The following SEL1L2 variants were observed in gnomAD, a reference collection of about 807,000 sequenced individuals.
SEL1L2 encodes the protein protein sel-1 homolog 2.
SEL1L2 carries 89 observed loss-of-function variants against 98.8 expected under a neutral mutation model. That is an observed-to-expected ratio of 0.90 (90% CI 0.76 to 1.07). The LOEUF is 1.07. Ranked by LOEUF, SEL1L2 falls within the 50% of genes least tolerant of loss-of-function variation. The pLI is 0.00. For synonymous variants in SEL1L2, 262 were observed against 278.5 expected, an observed-to-expected ratio of 0.94 and a Z score of 0.59; for missense variants, 788 against 812.0, an observed-to-expected ratio of 0.97 and a Z score of 0.36.
At chr20:13,951,146 G>A (rs566787404) in intron 2 of SEL1L2, among the ~76,000 whole-genome samples, 13 of 151,296 alleles carry the variant, frequency 8.6e-5, no homozygotes, top group Non-Finnish European at 1.6e-4. Flanking sequence ...GTGTGGTGGC[G>A]GGCGCCTATA....
intron 1 of SEL1L2, among the ~76,000 whole-genome samples, chr20:13,962,786 C>A (rs1473673435): frequency 6.6e-6 from 1 of 152,124 alleles, no homozygotes; most frequent in African/African-American, 2.4e-5. Context: ...AAAATATCGA[C>A]CAGGCACAAT....
chr20:13,984,586 C>T (rs1457303470), intron 1 of SEL1L2, among the ~76,000 whole-genome samples: 1 of 152,116 alleles, frequency 6.6e-6, no homozygotes, highest in Non-Finnish European at 1.5e-5. Context: ...TCAATAATGT[C>T]CTACTAGTTA....
chr20:13,926,041 G>C (rs1204381910), intron 3 of SEL1L2, among the ~76,000 whole-genome samples: 2 of 152,202 alleles, frequency 1.3e-5, no homozygotes, highest in African/African-American at 2.4e-5. Flanking sequence ...CTTCAGGGCC[G>C]GGAGCCGTGG....
At chr20:13,922,237 A>ATT (rs200201701) in intron 3 of SEL1L2, among the ~76,000 whole-genome samples, 1 of 151,934 alleles carries the variant, frequency 6.6e-6, no homozygotes, top group African/African-American at 2.4e-5. Flanking sequence ...TTTTAATGCA[A>ATT]TTTTTTTTAC....
At position 13,878,062 on chromosome 20, in the gene SEL1L2, CTT is replaced by C. The variant is rs1340704210; in HGVS notation, c.958-476_958-475del. Among the ~76,000 whole-genome samples, 16 of 152,276 alleles carry C rather than the reference CTT, an allele frequency of 1.1e-4. No homozygotes were observed. The East Asian group carries it at 3.1e-3, about 29-fold the overall frequency. ...ACTTGGCCGGCTGCTGAGATCAGGT[CTT>C]TATGCAGAAGTGAGCTTTGAGACAA... On this transcript the variant is annotated intron_variant, in intron 10 of 19. Coordinates refer to ENST00000284951, the MANE Select transcript of SEL1L2 (RefSeq NM_025229.2).
chr20:13,864,498 G>A (rs1990676738), intron 17 of SEL1L2, among the ~76,000 whole-genome samples: 1 of 152,074 alleles, frequency 6.6e-6, no homozygotes, highest in African/African-American at 2.4e-5. Context: ...TAATTTTAGG[G>A]GAAAAATAGT....
At chr20:13,922,053 C>T (rs1004945806) in intron 3 of SEL1L2, among the ~76,000 whole-genome samples, 1 of 152,118 alleles carries the variant, frequency 6.6e-6, no homozygotes, top group Non-Finnish European at 1.5e-5. Context: ...ATTGATATTG[C>T]TTTTGATTCT....
At chr20:13,851,780 T>C (rs1357772621) in intron 18 of SEL1L2, among the ~76,000 whole-genome samples, 3 of 152,136 alleles carry the variant, frequency 2.0e-5, no homozygotes, top group Non-Finnish European at 1.5e-5. Flanking sequence ...GTCATCCTAA[T>C]ATCTGTCTTT....
intron 10 of SEL1L2, among the ~76,000 whole-genome samples, chr20:13,878,779 T>C (rs967156130): frequency 2.0e-5 from 3 of 152,210 alleles, no homozygotes; most frequent in Admixed American, 6.5e-5. Context: ...GGATAGTATG[T>C]TACGTATTAT....
chr20:13,939,043 T>TTTTTTTTTTTTTTTTTTTTTTTTTTTTC (rs1569006493), intron 2 of SEL1L2, among the ~76,000 whole-genome samples: 1 of 117,630 alleles, frequency 8.5e-6, no homozygotes, highest in East Asian at 2.6e-4. Flanking sequence ...TTGTTTTGTT[T>TTTTTTTTTTTTTTTTTTTTTTTTTTTTC]TTTTTTTTTT....
intron 1 of SEL1L2, among the ~76,000 whole-genome samples, chr20:13,987,022 G>A (rs550234805): frequency 2.0e-5 from 3 of 152,006 alleles, no homozygotes; most frequent in Non-Finnish European, 2.9e-5. Flanking sequence ...TAGTAGAAAC[G>A]GGGTTTCACC....
intron 1 of SEL1L2, among the ~76,000 whole-genome samples, chr20:13,970,827 C>T (rs1186639258): frequency 2.0e-5 from 3 of 151,164 alleles, no homozygotes; most frequent in African/African-American, 2.4e-5. Flanking sequence ...AGTAAAACTC[C>T]GTCTCAAAAA....
intron 5 of SEL1L2, among the ~76,000 whole-genome samples, chr20:13,912,236 C>T (rs1001647312): frequency 3.3e-5 from 5 of 151,544 alleles, no homozygotes; most frequent in African/African-American, 9.7e-5. Context: ...TGGGCTTTGT[C>T]GCCACCAGTG....
chr20:13,933,013 G>T (rs2049221910), intron 2 of SEL1L2, among the ~76,000 whole-genome samples: 2 of 151,906 alleles, frequency 1.3e-5, no homozygotes, highest in African/African-American at 4.8e-5. Flanking sequence ...TTTGAGACCA[G>T]CCTGGCCAAC....
At chr20:13,858,306 C>T (rs543589569) in intron 18 of SEL1L2, among the ~76,000 whole-genome samples, 2 of 152,178 alleles carry the variant, frequency 1.3e-5, no homozygotes, top group Admixed American at 1.3e-4. Context: ...GCTCTAGAAA[C>T]GCAGCCAGGA....
chr20:13,986,676 T>C (rs751677438), intron 1 of SEL1L2, among the ~76,000 whole-genome samples: 2 of 152,240 alleles, frequency 1.3e-5, no homozygotes, highest in Non-Finnish European at 2.9e-5. Flanking sequence ...TTGGGTTGTT[T>C]CCACCTTTAA....
At chr20:13,976,739 A>C (rs748950510) in intron 1 of SEL1L2, among the ~76,000 whole-genome samples, 6 of 152,230 alleles carry the variant, frequency 3.9e-5, no homozygotes, top group African/African-American at 7.2e-5. Flanking sequence ...GCAAGTTAGA[A>C]GTGCATTAGT....
At chr20:13,965,325 C>T (rs556465946) in intron 1 of SEL1L2, among the ~76,000 whole-genome samples, 3 of 152,104 alleles carry the variant, frequency 2.0e-5, no homozygotes, top group Non-Finnish European at 4.4e-5. Context: ...GACTAAGTTT[C>T]GAGAGCAGGT....
intron 3 of SEL1L2, among the ~76,000 whole-genome samples, chr20:13,929,951 C>T (rs866549694): frequency 2.0e-5 from 3 of 152,258 alleles, no homozygotes; most frequent in Non-Finnish European, 2.9e-5. Context: ...CCACCACACC[C>T]GGTTATTTTT....
Sources: allele counts gnomAD v4.1 joint callset (sites outside exome capture counted in the v4.1 genomes callset), GRCh38; gene constraint gnomAD v4.1.1; transcripts MANE v1.5; gene names NCBI Gene and HGNC (gene_info 2026-07-23, HGNC 2026-07-21).